The following FBRSL1 variants were observed in gnomAD, a reference collection of about 807,000 sequenced individuals.
FBRSL1 encodes the protein fibrosin like 1.
A neutral mutation model predicts 89.6 loss-of-function variants in FBRSL1; 51 were observed. That is an observed-to-expected ratio of 0.57 (90% CI 0.45 to 0.72). The LOEUF (loss-of-function observed/expected upper bound fraction) is 0.72. Ranked by LOEUF, FBRSL1 falls within the 30% of genes least tolerant of loss-of-function variation. The pLI, the probability that FBRSL1 is intolerant of heterozygous loss-of-function variation, is 0.00. For missense variants in FBRSL1, 1,618 were observed against 1,451.8 expected (o/e 1.11, Z -1.86); for synonymous variants, 779 against 681.1 (o/e 1.14, Z -2.24).
intron 5 of FBRSL1, among the ~76,000 whole-genome samples, chr12:132,562,357 C>T (rs1373824055): frequency 2.0e-5 from 3 of 151,890 alleles, no homozygotes; most frequent in Non-Finnish European, 2.9e-5. Flanking sequence ...AGAGGGTCAT[C>T]GGGGCCCTGG....
intron 6 of FBRSL1, among the ~76,000 whole-genome samples, chr12:132,568,040 G>T (rs933263447): frequency 1.3e-5 from 2 of 148,418 alleles, no homozygotes; most frequent in Non-Finnish European, 2.9e-5. Context: ...CTCTCCAGAG[G>T]GGGTAGCCCC....
chr12:132,576,655 A>C, intron 14 of FBRSL1, 144 bp from the exon 15 acceptor site: 7 of 919,320 alleles, frequency 7.6e-6, no homozygotes, highest in Non-Finnish European at 1.1e-5. Context: ...CATCCTGAGT[A>C]GAGAATACAC....
intron 4 of FBRSL1, among the ~76,000 whole-genome samples, chr12:132,537,979 G>A (rs539692890): frequency 6.6e-6 from 1 of 152,202 alleles, no homozygotes; most frequent in Admixed American, 6.5e-5. Flanking sequence ...GAGCTCGGGG[G>A]AGGGGCCGCA....
At chr12:132,490,922 G>A in intron 1 of FBRSL1, 61 bp downstream of exon 1, 11 of 1,130,010 alleles carry the variant, frequency 9.7e-6, no homozygotes, top group Non-Finnish European at 1.2e-5. Context: ...GAGTTGACGC[G>A]TCGGGCGATC....
intron 18 of FBRSL1, 25 bp downstream of exon 18, chr12:132,582,291 C>T (rs2040814214): frequency 6.5e-7 from 1 of 1,539,262 alleles, no homozygotes; most frequent in East Asian, 2.5e-5. Flanking sequence ...TGTTCCGTAT[C>T]CCCACCACAC....
chr12:132,584,466 G>T lies in FBRSL1; in HGVS notation c.*688G>T, dbSNP rs1223573590. ...TTTCCAGAAACCCCTCTGGTTGTTT[G>T]TCTAACATGGTCACAAAAACCCAGG... On this transcript the variant is annotated 3_prime_UTR_variant, in exon 19 of 19. Coordinates refer to ENST00000680143, the MANE Select transcript of FBRSL1 (RefSeq NM_001367871.1). 1 of 152,218 alleles carries T rather than the reference G, an allele frequency of 6.6e-6. No individual in the cohort carries two copies. Among genetic ancestry groups the T allele is most frequent in the Non-Finnish European group, 1.5e-5 (1 of 68,032 alleles). The allele number at this position is 152,218 out of a possible 1,614,324, so 9.4% of individuals were successfully genotyped here.
intron 1 of FBRSL1, among the ~76,000 whole-genome samples, chr12:132,504,364 G>A (rs2033411176): frequency 6.6e-6 from 1 of 152,230 alleles, no homozygotes. Context: ...AGAGCCAAAA[G>A]CAGTCGCATA....
intron 1 of FBRSL1, among the ~76,000 whole-genome samples, chr12:132,496,842 C>T (rs767779308): frequency 1.2e-4 from 17 of 140,706 alleles, no homozygotes; most frequent in East Asian, 2.4e-4. Flanking sequence ...CCAGGCCCTG[C>T]GGTGTCCTGT....
chr12:132,551,322 A>G (rs1304760648), intron 5 of FBRSL1: 2 of 442,412 alleles, frequency 4.5e-6, no homozygotes, highest in Non-Finnish European at 4.6e-6. Context: ...CATTGCTCAC[A>G]TGGCCTGGCT....
intron 5 of FBRSL1, chr12:132,565,484 CGTACACGTACCCAACTGTCCTCAT>C (rs2039534931): frequency 1.4e-5 from 1 of 69,224 alleles, no homozygotes; most frequent in Non-Finnish European, 2.6e-5. Context: ...AGTGTGCCCA[CGTACACGTACCCAACTGTCCTCAT>C]GTACACGTAC....
At chr12:132,522,960 A>G (rs763549324) in intron 2 of FBRSL1, among the ~76,000 whole-genome samples, 2 of 152,170 alleles carry the variant, frequency 1.3e-5, no homozygotes, top group African/African-American at 2.4e-5. Context: ...GGCTCTGCTC[A>G]CTGCCCAGAA....
At chr12:132,510,703 TGCCGCCCC>T (rs1344447630) in intron 2 of FBRSL1, 3 of 1,218,022 alleles carry the variant, frequency 2.5e-6, no homozygotes, top group Non-Finnish European at 3.1e-6. Flanking sequence ...CGCGTCTGCC[TGCCGCCCC>T]GCCATGCTCC....
At chr12:132,564,414 G>T (rs1490106448) in intron 5 of FBRSL1, among the ~76,000 whole-genome samples, 12 of 152,102 alleles carry the variant, frequency 7.9e-5, no homozygotes. Flanking sequence ...GGGACAGCAG[G>T]TCTCTTCCCA....
At chr12:132,498,645 C>T (rs143785051) in intron 1 of FBRSL1, among the ~76,000 whole-genome samples, 2,221 of 152,344 alleles carry the variant, frequency 0.015, 56 homozygotes, top group African/African-American at 0.05. Flanking sequence ...TGGGAGGTGC[C>T]GGGGCCCCTT....
chr12:132,552,663 CT>C (rs1303135987), intron 5 of FBRSL1: 3 of 162,728 alleles, frequency 1.8e-5, no homozygotes, highest in African/African-American at 4.8e-5. Flanking sequence ...CTGGAGGCCC[CT>C]TCCATGGGGC....
At chr12:132,571,579 G>T in intron 9 of FBRSL1, 1 of 1,202,506 alleles carries the variant, frequency 8.3e-7, no homozygotes, top group Non-Finnish European at 1.1e-6. Flanking sequence ...GCGGGGACAC[G>T]CAGCAGGCAC....
chr12:132,517,782 GAAC>G lies in FBRSL1; in HGVS notation c.490-7948_490-7946del, dbSNP rs771277334. Among the ~76,000 whole-genome samples the G allele has an allele frequency of 9.3e-4, 142 of 152,282 alleles. 2 individuals carry two copies. The East Asian group carries it at 0.019, about 20-fold the overall frequency. On this transcript the variant is annotated intron_variant, in intron 2 of 18. Transcript: ENST00000680143. Reference sequence around the variant, plus strand: ...AAACCACTGAGGGTTTTAAGCCAGGGAACAACGTGAGCTCCTGTGTTTTTACAA... The same window carrying G: ...AAACCACTGAGGGTTTTAAGCCAGGGAACGTGAGCTCCTGTGTTTTTACAA...
Position 132,567,477 on chromosome 12 carries a change from C to T in FBRSL1, c.646-4C>T, listed in dbSNP as rs1240118878. 1.3e-6 allele frequency: 2 copies of T among 1,551,146 alleles called. No homozygotes were observed. The highest frequency in any genetic ancestry group is 2.0e-5 in the Admixed American group (1 of 51,000). On this transcript the variant is annotated splice_polypyrimidine_tract_variant and splice_region_variant and intron_variant, in intron 5 of 18. Coordinates refer to ENST00000680143, the MANE Select transcript of FBRSL1 (RefSeq NM_001367871.1). ...TGCCCCTGACCCCCCTTCTCTCTCT[C>T]CAGGCATCCGTGGGCTCTGAGAAGC...
rs1324224372 is a variant in FBRSL1, at chr12:132,570,222, AACGGCCTGC to A, written c.996_1004del (p.His333_Leu335del). ...CGCGGGCCACAGCCAGGCGGCAGCC[AACGGCCTGC>A]ACGGCCTCAGGTGGGGTCCCCGCGG... On this transcript the variant is annotated inframe_deletion, in exon 7 of 19. Coordinates refer to ENST00000680143, the MANE Select transcript of FBRSL1 (RefSeq NM_001367871.1). 6 of 1,499,470 alleles carry A rather than the reference AACGGCCTGC, an allele frequency of 4.0e-6. No homozygotes were observed. In the African/African-American group the frequency reaches 8.7e-5, roughly 22 times the overall value. 92.9% of individuals were successfully genotyped at this position (1,499,470 alleles called of 1,614,324 possible). A position where few individuals can be genotyped will look rare whatever the true frequency, so the allele number is the denominator to read the frequency against.
Sources: allele counts gnomAD v4.1 joint callset (sites outside exome capture counted in the v4.1 genomes callset), GRCh38; gene constraint gnomAD v4.1.1; transcripts MANE v1.5; gene names NCBI Gene and HGNC (gene_info 2026-07-23, HGNC 2026-07-21).